Variants in PARM1 observed in about 807,000 individuals in gnomAD.
The protein encoded by PARM1 is WSC4, cell wall integrity and stress response component 4 homolog.
PARM1 carries 14 observed loss-of-function variants against 24.6 expected under a neutral mutation model. The ratio of observed to expected loss-of-function variants is 0.57; its 90% CI spans 0.38 to 0.89. PARM1 has a LOEUF of 0.89. Among genes scored for constraint, PARM1 ranks in the 40% least tolerant of loss-of-function variants. The pLI, the probability that PARM1 is intolerant of heterozygous loss-of-function variation, is 0.00. For synonymous variants in PARM1, 179 were observed against 156.6 expected (o/e 1.14, Z -1.07); for missense variants, 362 against 380.4 (o/e 0.95, Z 0.40).
intron 2 of PARM1, among the ~76,000 whole-genome samples, chr4:75,031,052 C>A (rs1723266148): frequency 6.6e-6 from 1 of 152,136 alleles, no homozygotes. Context: ...AACTGTGATG[C>A]CCTCAGGTGT....
chr4:74,989,193 T>C (rs1239238667), intron 1 of PARM1, among the ~76,000 whole-genome samples: 1 of 152,178 alleles, frequency 6.6e-6, no homozygotes, highest in Non-Finnish European at 1.5e-5. Context: ...TTCAATTTAA[T>C]TCTTATACTA....
chr4:74,974,085 G>A (rs1722095271), intron 1 of PARM1, among the ~76,000 whole-genome samples: 1 of 152,186 alleles, frequency 6.6e-6, no homozygotes, highest in Non-Finnish European at 1.5e-5. Context: ...CAGAGAAGAT[G>A]AGGTGAGATG....
In PARM1 at chr4:75,048,852, T is replaced by C. The variant is rs1047963734; in HGVS notation, c.*2605T>C. ...TTATCTTATGTGAGAATAAAATATTTAAGGGTTGAACCTTATTTTGCCAAA... is the reference window on the plus strand; with the variant it reads ...TTATCTTATGTGAGAATAAAATATTCAAGGGTTGAACCTTATTTTGCCAAA... On this transcript the variant is annotated 3_prime_UTR_variant, in exon 4 of 4. Coordinates refer to ENST00000307428, the MANE Select transcript of PARM1 (RefSeq NM_015393.4). 2 of 152,654 alleles carry C rather than the reference T, an allele frequency of 1.3e-5. No individual in the cohort carries two copies. The highest frequency in any genetic ancestry group is 4.8e-5 in the African/African-American group (2 of 41,462). 9.5% of individuals were successfully genotyped at this position (152,654 alleles called of 1,614,324 possible). A position where few individuals can be genotyped will look rare whatever the true frequency, so the allele number is the denominator to read the frequency against.
chr4:75,023,250 G>A (rs1352678437), intron 2 of PARM1, among the ~76,000 whole-genome samples: 1 of 152,170 alleles, frequency 6.6e-6, no homozygotes, highest in African/African-American at 2.4e-5. Flanking sequence ...TCTCACCAGT[G>A]CTATTTGCTA....
intron 1 of PARM1, among the ~76,000 whole-genome samples, chr4:74,985,116 A>G (rs965104996): frequency 3.3e-5 from 5 of 152,230 alleles, no homozygotes; most frequent in Non-Finnish European, 5.9e-5. Context: ...ATCACATGAT[A>G]CTGCCAGTTC....
At chr4:75,041,280 C>T (rs1000451866) in intron 3 of PARM1, among the ~76,000 whole-genome samples, 17 of 152,182 alleles carry the variant, frequency 1.1e-4, no homozygotes, top group African/African-American at 3.1e-4. Context: ...ACAGCTGCAT[C>T]AAACAGTTTT....
Position 74,933,377 on chromosome 4 carries a change from G to A in PARM1, c.43+7G>A, listed in dbSNP as rs1293288943. 1.2e-6 allele frequency: 2 copies of A among 1,612,256 alleles called. No individual in the cohort carries two copies. Among genetic ancestry groups the A allele is most frequent in the East Asian group, 2.2e-5 (1 of 44,818 alleles). ...CTTTGCATCTTAACTGCAGGTAATT[G>A]GCGCCATCCTCCCGGAAGGGCAGGT... On this transcript the variant is annotated splice_region_variant and intron_variant, in intron 1 of 3. Coordinates refer to ENST00000307428, the MANE Select transcript of PARM1 (RefSeq NM_015393.4).
At chr4:74,983,926 C>T (rs1181769114) in intron 1 of PARM1, among the ~76,000 whole-genome samples, 1 of 152,096 alleles carries the variant, frequency 6.6e-6, no homozygotes, top group Non-Finnish European at 1.5e-5. Flanking sequence ...CTCCTGGGCT[C>T]CAGTGATCGA....
chr4:75,030,949 A>G (rs184242550), intron 2 of PARM1, among the ~76,000 whole-genome samples: 40 of 152,344 alleles, frequency 2.6e-4, no homozygotes, highest in African/African-American at 8.9e-4. Context: ...TCAGGGGGAA[A>G]TGGCATTTGT....
At chr4:75,001,329 G>A (rs943822553) in intron 1 of PARM1, among the ~76,000 whole-genome samples, 3 of 152,292 alleles carry the variant, frequency 2.0e-5, no homozygotes, top group Non-Finnish European at 4.4e-5. Flanking sequence ...TAGCAACAGA[G>A]GTGAGTCTCA....
intron 3 of PARM1, among the ~76,000 whole-genome samples, chr4:75,036,066 C>T (rs1244113000): frequency 6.6e-6 from 1 of 152,130 alleles, no homozygotes; most frequent in Non-Finnish European, 1.5e-5. Flanking sequence ...TGTTGAAAAA[C>T]ATGTTCTGCC....
At chr4:74,950,626 A>G (rs1387587073) in intron 1 of PARM1, among the ~76,000 whole-genome samples, 1 of 152,192 alleles carries the variant, frequency 6.6e-6, no homozygotes, top group East Asian at 1.9e-4. Flanking sequence ...AGTTATATTA[A>G]TTTCACATCT....
At chr4:74,935,275 A>G (rs958510330) in intron 1 of PARM1, among the ~76,000 whole-genome samples, 1 of 152,176 alleles carries the variant, frequency 6.6e-6, no homozygotes, top group Non-Finnish European at 1.5e-5. Context: ...GCTAATGGAC[A>G]CTGCATTCCC....
chr4:75,016,852 T>C (rs1228672088), intron 2 of PARM1, among the ~76,000 whole-genome samples: 1 of 152,178 alleles, frequency 6.6e-6, no homozygotes, highest in African/African-American at 2.4e-5. Flanking sequence ...AACACTGAGA[T>C]GTAAAATTCT....
intron 1 of PARM1, among the ~76,000 whole-genome samples, chr4:74,941,724 G>T (rs189068661): frequency 6.6e-6 from 1 of 152,130 alleles, no homozygotes; most frequent in Non-Finnish European, 1.5e-5. Flanking sequence ...ATCATGAAAG[G>T]GGGTGAAGAA....
rs112186650 is a variant in PARM1, at chr4:74,965,874, G to A, written c.43+32504G>A. 2.3e-3 allele frequency among the ~76,000 whole-genome samples: 350 copies of A among 152,248 alleles called. 1 individual carries two copies. The highest frequency in any genetic ancestry group is 8.0e-3 in the African/African-American group (333 of 41,566). On this transcript the variant is annotated intron_variant, in intron 1 of 3. Coordinates refer to ENST00000307428, the MANE Select transcript of PARM1 (RefSeq NM_015393.4). ...AGTAGACTCAGAAAACATGCCAACTGAATGCAATGGAGTACCTAGATGAAA... is the reference window on the plus strand; with the variant it reads ...AGTAGACTCAGAAAACATGCCAACTAAATGCAATGGAGTACCTAGATGAAA...
intron 1 of PARM1, among the ~76,000 whole-genome samples, chr4:74,995,926 C>T (rs1263188919): frequency 2.0e-5 from 3 of 152,148 alleles, no homozygotes; most frequent in African/African-American, 7.2e-5. Flanking sequence ...TGATTTGGTC[C>T]TGGATGATTT....
chr4:74,943,245 C>T (rs1721349114), intron 1 of PARM1, among the ~76,000 whole-genome samples: 2 of 152,194 alleles, frequency 1.3e-5, no homozygotes, highest in Admixed American at 1.3e-4. Context: ...CCTTACCCCT[C>T]ACTAAAACAT....
At chr4:75,014,961 T>A (rs1722953153) in intron 2 of PARM1, among the ~76,000 whole-genome samples, 1 of 152,204 alleles carries the variant, frequency 6.6e-6, no homozygotes, top group Non-Finnish European at 1.5e-5. Flanking sequence ...TGCGATATCT[T>A]AAGAACCATC....
Sources: allele counts gnomAD v4.1 joint callset (sites outside exome capture counted in the v4.1 genomes callset), GRCh38; gene constraint gnomAD v4.1.1; transcripts MANE v1.5; gene names NCBI Gene and HGNC (gene_info 2026-07-23, HGNC 2026-07-21).